Variants in EYS observed in about 807,000 individuals in gnomAD.
The protein encoded by EYS is EGF-like photoreceptor maintenance factor.
EYS carries 250 observed loss-of-function variants against 282.1 expected under a neutral mutation model. The observed-to-expected ratio is 0.89, with a 90% CI of 0.80 to 0.98. The LOEUF is 0.98. EYS is among the 50% of genes least tolerant of loss of function. The probability of loss-of-function intolerance (pLI) is 0.00; values close to 1 mark genes in which losing one functional copy is unlikely to be tolerated. For synonymous variants in EYS, 1,355 were observed against 1,282.9 expected (o/e 1.06, Z -1.20); for missense variants, 4,016 against 3,709.0 (o/e 1.08, Z -2.15).
At chr6:63,727,229 G>A (rs1768646995) in intron 41 of EYS, among the ~76,000 whole-genome samples, 1 of 151,764 alleles carries the variant, frequency 6.6e-6, no homozygotes, top group Non-Finnish European at 1.5e-5. Flanking sequence ...TGCACATTTG[G>A]CCAGTTTTTA....
rs983790830 is a variant in EYS, at chr6:65,250,111, G to A, written c.2023+45752C>T. ...GTATGTGGAATATGTGGAAAATATT[G>A]AAATTGAAGATGATACTTAGATTAA... On this transcript the variant is annotated intron_variant, in intron 12 of 42. Transcript: ENST00000503581. Among the ~76,000 whole-genome samples, 4 of 151,966 alleles carry A rather than the reference G, an allele frequency of 2.6e-5. No individual in the cohort carries two copies. In the South Asian group the frequency reaches 6.2e-4, roughly 24 times the overall value.
chr6:65,696,589 T>G (rs925934420), intron 1 of EYS, among the ~76,000 whole-genome samples: 21 of 151,966 alleles, frequency 1.4e-4, no homozygotes, highest in African/African-American at 5.1e-4. Context: ...ATGGAAAATA[T>G]AGGGGAAGCT....
chr6:65,263,314 C>T (rs775676183), intron 12 of EYS, among the ~76,000 whole-genome samples: 2 of 151,820 alleles, frequency 1.3e-5, no homozygotes, highest in Admixed American at 6.6e-5. Flanking sequence ...GTACTCCAGC[C>T]GGGGTGACAG....
chr6:63,856,917 C>T (rs1378458500), intron 36 of EYS, among the ~76,000 whole-genome samples: 2 of 152,102 alleles, frequency 1.3e-5, no homozygotes, highest in South Asian at 2.1e-4. Flanking sequence ...AAATCAGATA[C>T]ACTTAATAAA....
intron 14 of EYS, among the ~76,000 whole-genome samples, chr6:64,953,787 T>C (rs1769593731): frequency 1.3e-5 from 2 of 151,846 alleles, no homozygotes; most frequent in Admixed American, 1.3e-4. Flanking sequence ...CACTTTACAA[T>C]GAGTGATACT....
chr6:65,598,508 T>C (rs934610468), intron 2 of EYS, among the ~76,000 whole-genome samples: 1 of 152,114 alleles, frequency 6.6e-6, no homozygotes, highest in Admixed American at 6.6e-5. Flanking sequence ...TCTGCATTGA[T>C]GTGTTGCCTA....
At chr6:64,995,665 G>T (rs1771229622) in intron 14 of EYS, among the ~76,000 whole-genome samples, 1 of 151,962 alleles carries the variant, frequency 6.6e-6, no homozygotes. Context: ...ATTTAAACCA[G>T]TTAATAAGAT....
At chr6:63,899,745 C>G (rs1773616205) in intron 35 of EYS, among the ~76,000 whole-genome samples, 1 of 152,174 alleles carries the variant, frequency 6.6e-6, no homozygotes, top group Non-Finnish European at 1.5e-5. Flanking sequence ...TCATGCCTCT[C>G]CCTTGCTCAA....
chr6:65,211,577 T>C (rs1179241069), intron 12 of EYS, among the ~76,000 whole-genome samples: 2 of 152,078 alleles, frequency 1.3e-5, no homozygotes, highest in African/African-American at 4.8e-5. Context: ...GTACTGACTT[T>C]CTAACTCTGA....
intron 12 of EYS, among the ~76,000 whole-genome samples, chr6:65,105,159 G>T (rs951415932): frequency 6.6e-6 from 1 of 151,694 alleles, no homozygotes; most frequent in African/African-American, 2.4e-5. Context: ...ATATGAGTAT[G>T]CAGGTTTGTA....
At chr6:64,830,300 G>A (rs949193148) in intron 19 of EYS, among the ~76,000 whole-genome samples, 7 of 151,842 alleles carry the variant, frequency 4.6e-5, no homozygotes, top group East Asian at 1.9e-4. Flanking sequence ...CCCAGTCTAC[G>A]GGATTTTGTG....
intron 19 of EYS, among the ~76,000 whole-genome samples, chr6:64,854,580 G>A (rs1036189899): frequency 7.1e-6 from 1 of 140,400 alleles, no homozygotes; most frequent in Admixed American, 7.3e-5. Flanking sequence ...CATCACACAC[G>A]GGGGCCTGTT....
intron 2 of EYS, among the ~76,000 whole-genome samples, chr6:65,590,331 ACTTTTT>A (rs908168503): frequency 2.6e-5 from 4 of 151,886 alleles, no homozygotes; most frequent in African/African-American, 9.7e-5. Flanking sequence ...TCAACACAAA[ACTTTTT>A]CTTTTTAAAT....
At chr6:64,934,010 G>A (rs1407833966) in intron 15 of EYS, among the ~76,000 whole-genome samples, 2 of 151,836 alleles carry the variant, frequency 1.3e-5, no homozygotes, top group Admixed American at 6.6e-5. Flanking sequence ...AGCATTAGAA[G>A]AAATACCTAA....
intron 14 of EYS, among the ~76,000 whole-genome samples, 184 bp downstream of exon 14, chr6:64,997,398 T>C (rs1190921535): frequency 2.0e-5 from 3 of 151,846 alleles, no homozygotes; most frequent in Non-Finnish European, 2.9e-5. Context: ...GAATAGAACA[T>C]GTTTTACTAC....
intron 12 of EYS, among the ~76,000 whole-genome samples, chr6:65,256,958 C>A (rs1767484962): frequency 4.3e-5 from 1 of 23,474 alleles, no homozygotes; most frequent in Non-Finnish European, 7.2e-5. Flanking sequence ...TAATGATTGC[C>A]ATTCTAACTG....
chr6:64,771,220 G>A (rs1773513620), intron 22 of EYS, among the ~76,000 whole-genome samples: 1 of 151,206 alleles, frequency 6.6e-6, no homozygotes, highest in African/African-American at 2.4e-5. Flanking sequence ...AATTTCTTAT[G>A]TATCTATAGC....
chr6:64,063,939 G>T (rs1371759962), intron 33 of EYS, among the ~76,000 whole-genome samples: 3 of 152,114 alleles, frequency 2.0e-5, no homozygotes, highest in Non-Finnish European at 4.4e-5. Flanking sequence ...TGTTGGCCAG[G>T]CTGGTCTTGA....
At chr6:65,428,092 C>T (rs1249544452) in intron 5 of EYS, among the ~76,000 whole-genome samples, 1 of 151,984 alleles carries the variant, frequency 6.6e-6, no homozygotes, top group East Asian at 1.9e-4. Flanking sequence ...TCAACTACTG[C>T]TGGTGAGAGT....
Sources: allele counts gnomAD v4.1 joint callset (sites outside exome capture counted in the v4.1 genomes callset), GRCh38; gene constraint gnomAD v4.1.1; transcripts MANE v1.5; gene names NCBI Gene and HGNC (gene_info 2026-07-23, HGNC 2026-07-21).